ACVR1: variants seen among roughly 807,000 people sequenced by gnomAD.
ACVR1 encodes activin A receptor type 1, also known as activin receptor type-1.
A neutral mutation model predicts 57.1 loss-of-function variants in ACVR1; 38 were observed. That is an observed-to-expected ratio of 0.67 (90% confidence interval 0.51 to 0.87). The LOEUF (loss-of-function observed/expected upper bound fraction) is 0.87, where lower values mean the gene tolerates loss of function less well. Among genes scored for constraint, ACVR1 ranks in the 40% least tolerant of loss-of-function variants. The pLI is 0.00. For missense variants in ACVR1, 463 were observed against 638.2 expected, an observed-to-expected ratio of 0.73 and a Z score of 2.96; for synonymous variants, 212 against 228.1, an observed-to-expected ratio of 0.93 and a Z score of 0.63.
intron 3 of ACVR1, among the ~76,000 whole-genome samples, chr2:157,786,279 T>G (rs1686708731): frequency 6.6e-6 from 1 of 152,224 alleles, no homozygotes; most frequent in South Asian, 2.1e-4. Context: ...GTGAGTTGCA[T>G]CTATTAATAC....
intron 3 of ACVR1, among the ~76,000 whole-genome samples, chr2:157,786,540 ATACCATCACAT>A: frequency 6.6e-6 from 1 of 152,210 alleles, no homozygotes; most frequent in Non-Finnish European, 1.5e-5. Flanking sequence ...AGAGCTTGCC[ATACCATCACAT>A]CTGTTCACCT....
At chr2:157,805,167 A>G (rs180922237) in intron 2 of ACVR1, among the ~76,000 whole-genome samples, 14 of 152,346 alleles carry the variant, frequency 9.2e-5, no homozygotes, top group Non-Finnish European at 1.8e-4. Flanking sequence ...GTTAACTATA[A>G]TATTGAGGAT....
chr2:157,778,090 C>A, intron 5 of ACVR1, 41 bp downstream of exon 5: 1 of 1,603,140 alleles, frequency 6.2e-7, no homozygotes, highest in Non-Finnish European at 8.5e-7. Flanking sequence ...TCTCCAGACA[C>A]CTTCCTTATG....
intron 1 of ACVR1, among the ~76,000 whole-genome samples, chr2:157,843,078 G>A (rs1689027624): frequency 6.6e-6 from 1 of 152,180 alleles, no homozygotes; most frequent in South Asian, 2.1e-4. Flanking sequence ...TTTGGAGGTA[G>A]AGGCCTTGAA....
intron 1 of ACVR1, among the ~76,000 whole-genome samples, chr2:157,873,104 G>A (rs1489419189): frequency 6.6e-6 from 1 of 152,066 alleles, no homozygotes; most frequent in Non-Finnish European, 1.5e-5. Context: ...GTGAATCATT[G>A]CTTTAAAGAA....
chr2:157,770,616 C>G, intron 6 of ACVR1, 102 bp from the exon 7 acceptor site: 3 of 1,169,378 alleles, frequency 2.6e-6, no homozygotes, highest in South Asian at 1.2e-5. Flanking sequence ...CTCTTAATCC[C>G]TCCATTGCTT....
intron 1 of ACVR1, among the ~76,000 whole-genome samples, chr2:157,837,883 G>A (rs924565991): frequency 1.3e-5 from 2 of 152,170 alleles, no homozygotes; most frequent in South Asian, 2.1e-4. Context: ...CTCTTGACTC[G>A]AATTCTCTGC....
intron 1 of ACVR1, among the ~76,000 whole-genome samples, chr2:157,871,623 A>C (rs1212602279): frequency 6.6e-6 from 1 of 152,216 alleles, no homozygotes; most frequent in Non-Finnish European, 1.5e-5. Flanking sequence ...CAGAGAGTGA[A>C]ACCCAAAAAT....
intron 8 of ACVR1, among the ~76,000 whole-genome samples, chr2:157,761,993 G>A (rs1685676298): frequency 6.6e-6 from 1 of 152,148 alleles, no homozygotes; most frequent in African/African-American, 2.4e-5. Flanking sequence ...CTTTGAATGT[G>A]GGGGATGACA....
chr2:157,745,319 GCA>G (rs1398317221), intron 9 of ACVR1, among the ~76,000 whole-genome samples: 1 of 152,178 alleles, frequency 6.6e-6, no homozygotes, highest in Non-Finnish European at 1.5e-5. Flanking sequence ...AAAGAGAGGA[GCA>G]CCACAAGAGT....
In ACVR1 at chr2:157,871,876, C is replaced by A. The variant is rs142806351; in HGVS notation, c.-183+3920G>T. ...TGTGAGTTCAAGCAAAACTACCTCC[C>A]ATCTGAACCAAAGGCTGTGATGTGC... On this transcript the variant is annotated intron_variant, in intron 1 of 10. Coordinates refer to ENST00000434821, the MANE Select transcript of ACVR1 (RefSeq NM_001111067.4). 9.4e-3 allele frequency among the ~76,000 whole-genome samples: 1,435 copies of A among 152,252 alleles called. 12 individuals are homozygous for A. Among genetic ancestry groups the A allele is most frequent in the Non-Finnish European group, 0.013 (907 of 68,018 alleles).
chr2:157,760,825 A>G, intron 9 of ACVR1, 55 bp downstream of exon 9: 1 of 1,544,888 alleles, frequency 6.5e-7, no homozygotes, highest in Non-Finnish European at 8.9e-7. Flanking sequence ...TTTTAAAGGT[A>G]GCTGGATCAA....
At chr2:157,741,139 T>C (rs1310141015) in intron 9 of ACVR1, among the ~76,000 whole-genome samples, 1 of 152,116 alleles carries the variant, frequency 6.6e-6, no homozygotes, top group African/African-American at 2.4e-5. Context: ...GCAGGACAAG[T>C]CTCTCATTTT....
intron 1 of ACVR1, among the ~76,000 whole-genome samples, chr2:157,859,666 C>T (rs1285729390): frequency 6.6e-6 from 1 of 152,104 alleles, no homozygotes; most frequent in African/African-American, 2.4e-5. Context: ...ATCACCACAT[C>T]TCATGGGCTC....
At chr2:157,757,803 A>G (rs2105247199) in intron 9 of ACVR1, among the ~76,000 whole-genome samples, 1 of 152,082 alleles carries the variant, frequency 6.6e-6, no homozygotes, top group East Asian at 1.9e-4. Flanking sequence ...ACATGAAAGC[A>G]TAAAACACTG....
At chr2:157,857,797 G>A (rs1689587005) in intron 1 of ACVR1, among the ~76,000 whole-genome samples, 1 of 152,158 alleles carries the variant, frequency 6.6e-6, no homozygotes, top group Non-Finnish European at 1.5e-5. Context: ...GAGAATAACA[G>A]AGCAAACTTT....
intron 1 of ACVR1, among the ~76,000 whole-genome samples, chr2:157,872,129 A>G (rs1228818337): frequency 6.6e-6 from 1 of 152,252 alleles, no homozygotes; most frequent in African/African-American, 2.4e-5. Context: ...AAAAGATCAA[A>G]GAAGGTATTT....
At chr2:157,814,966 G>A (rs1215641073) in intron 2 of ACVR1, among the ~76,000 whole-genome samples, 2 of 152,062 alleles carry the variant, frequency 1.3e-5, no homozygotes, top group East Asian at 1.9e-4. Flanking sequence ...GCACCTGTAG[G>A]TAGTCCCAGC....
At chr2:157,740,047 G>T (rs1245028630) in intron 9 of ACVR1, among the ~76,000 whole-genome samples, 1 of 152,084 alleles carries the variant, frequency 6.6e-6, no homozygotes, top group Admixed American at 6.5e-5. Context: ...AGCCGGGTGT[G>T]TTGGCGCGTG....
Sources: gnomAD v4.1 joint callset for allele counts (sites outside exome capture counted in the v4.1 genomes callset) on GRCh38, gnomAD v4.1.1 for gene constraint, MANE v1.5 for transcripts, NCBI Gene and HGNC (gene_info 2026-07-23, HGNC 2026-07-21) for gene names.